MAPKAP1: variants seen among roughly 807,000 people sequenced by gnomAD.
MAPKAP1 encodes the protein target of rapamycin complex 2 subunit MAPKAP1.
Under a neutral mutation model 65.7 loss-of-function variants are expected in MAPKAP1, and 20 were observed. The observed-to-expected ratio is 0.30, with a 90% CI of 0.21 to 0.44. The LOEUF (loss-of-function observed/expected upper bound fraction) is 0.44. MAPKAP1 is among the 20% of genes least tolerant of loss of function. The pLI is 1.00. For missense variants in MAPKAP1, 423 were observed against 648.0 expected (o/e 0.65, Z 3.77); for synonymous variants, 222 against 244.3 (o/e 0.91, Z 0.85).
chr9:125,674,710 T>C (rs746394704), intron 1 of MAPKAP1, among the ~76,000 whole-genome samples: 21 of 152,242 alleles, frequency 1.4e-4, no homozygotes, highest in Non-Finnish European at 2.9e-4. Flanking sequence ...GAAATTTAAC[T>C]GAGGAGCATC....
intron 9 of MAPKAP1, among the ~76,000 whole-genome samples, chr9:125,482,938 C>T (rs1207036355): frequency 6.6e-6 from 1 of 152,194 alleles, no homozygotes; most frequent in Non-Finnish European, 1.5e-5. Context: ...GCATTTCATC[C>T]TCACAGTTGA....
chr9:125,616,359 A>G (rs1452122645), intron 4 of MAPKAP1, among the ~76,000 whole-genome samples: 1 of 152,230 alleles, frequency 6.6e-6, no homozygotes, highest in Admixed American at 6.5e-5. Flanking sequence ...TGATAATTCA[A>G]TACATTAAAA....
chr9:125,637,506 G>C (rs1833459482), intron 4 of MAPKAP1, among the ~76,000 whole-genome samples: 4 of 152,126 alleles, frequency 2.6e-5, no homozygotes, highest in Admixed American at 6.5e-5. Flanking sequence ...GCCACGCTGG[G>C]ACTCAGGATA....
chr9:125,464,205 A>T (rs7869036), intron 10 of MAPKAP1, among the ~76,000 whole-genome samples: 14,265 of 50,870 alleles, frequency 0.28, 1,880 homozygotes, highest in African/African-American at 0.55. Flanking sequence ...CTCATATATT[A>T]AAAAAAAAAA....
chr9:125,443,976 T>A (rs1233136805), intron 11 of MAPKAP1, among the ~76,000 whole-genome samples: 1 of 151,928 alleles, frequency 6.6e-6, no homozygotes, highest in Non-Finnish European at 1.5e-5. Context: ...AGGGACAGAG[T>A]CTGTCACCGT....
rs757204720 is a variant in MAPKAP1 at position 125,672,378 on chromosome 9, T to C, written c.197A>G (p.Tyr66Cys). The change falls in exon 2 of 12, where the codon TAT (tyrosine) becomes TGT (cysteine). Residue 66 changes from tyrosine (Y) to cysteine (C), a missense_variant. Transcript: ENST00000265960. Reference protein sequence around the residue: ...GSNGETQGYVYAQSVDITSSW... With the variant: ...GSNGETQGYVCAQSVDITSSW... Reference sequence around the variant, plus strand: ...TGAGGTAATATCGACTGACTGGGCATATACATAGCCCTGAGTCTCACCATT... The same window carrying C: ...TGAGGTAATATCGACTGACTGGGCACATACATAGCCCTGAGTCTCACCATT... 5 of 1,614,028 alleles carry C rather than the reference T, an allele frequency of 3.1e-6. No individual in the cohort carries two copies. The highest frequency in any genetic ancestry group is 2.7e-5 in the African/African-American group (2 of 75,058).
chr9:125,651,352 C>T (rs933974117), intron 4 of MAPKAP1, among the ~76,000 whole-genome samples: 1 of 152,150 alleles, frequency 6.6e-6, no homozygotes, highest in African/African-American at 2.4e-5. Flanking sequence ...CACCTGTAAT[C>T]CCAGCACTTT....
intron 7 of MAPKAP1, among the ~76,000 whole-genome samples, chr9:125,538,985 C>G (rs1436981548): frequency 2.0e-5 from 3 of 152,190 alleles, no homozygotes; most frequent in Non-Finnish European, 4.4e-5. Flanking sequence ...TTTACTCCCC[C>G]TCTGCTCCTA....
intron 9 of MAPKAP1, among the ~76,000 whole-genome samples, chr9:125,480,025 A>T (rs1854250135): frequency 6.6e-6 from 1 of 152,172 alleles, no homozygotes; most frequent in South Asian, 2.1e-4. Context: ...TTGAATACTC[A>T]TACAGGGTGT....
At chr9:125,668,901 G>A (rs1328011190) in intron 3 of MAPKAP1, among the ~76,000 whole-genome samples, 1 of 152,130 alleles carries the variant, frequency 6.6e-6, no homozygotes. Flanking sequence ...AATATCACAG[G>A]GGCTGGGCGC....
chr9:125,579,703 G>A (rs142226423), intron 5 of MAPKAP1, among the ~76,000 whole-genome samples: 2 of 152,140 alleles, frequency 1.3e-5, no homozygotes, highest in African/African-American at 4.8e-5. Context: ...TCTTTCACAG[G>A]GCCAACCCAC....
At position 125,592,847 on chromosome 9, in the gene MAPKAP1, GA is replaced by G. The variant is rs1263073597; in HGVS notation, c.499-7121del. Among the ~76,000 whole-genome samples the G allele has an allele frequency of 2.7e-5, 4 of 145,674 alleles. No individual in the cohort carries two copies. The East Asian group carries it at 8.1e-4, about 30-fold the overall frequency. ...GAACCCTGGAGGCGGAGCTTGCAGT[GA>G]GCCGAGATAGCACCACTGCAGTCCA... On this transcript the variant is annotated intron_variant, in intron 4 of 11. Coordinates refer to ENST00000265960, the MANE Select transcript of MAPKAP1 (RefSeq NM_001006617.3).
intron 3 of MAPKAP1, among the ~76,000 whole-genome samples, chr9:125,667,265 C>T (rs1028281603): frequency 7.9e-5 from 12 of 152,130 alleles, no homozygotes; most frequent in African/African-American, 2.4e-4. Flanking sequence ...AGCTGAAGAA[C>T]TTACTTCTCA....
intron 4 of MAPKAP1, among the ~76,000 whole-genome samples, chr9:125,601,421 T>C (rs1256087714): frequency 6.6e-6 from 1 of 152,196 alleles, no homozygotes; most frequent in Non-Finnish European, 1.5e-5. Flanking sequence ...TTAAATAGTG[T>C]AAAAAATCCA....
At chr9:125,449,702 ATCT>A (rs1852868399) in intron 10 of MAPKAP1, among the ~76,000 whole-genome samples, 1 of 152,216 alleles carries the variant, frequency 6.6e-6, no homozygotes, top group Non-Finnish European at 1.5e-5. Context: ...GCTTTAATTC[ATCT>A]TCTGTATTAT....
chr9:125,631,624 G>T (rs997811988), intron 4 of MAPKAP1, among the ~76,000 whole-genome samples: 1 of 152,214 alleles, frequency 6.6e-6, no homozygotes, highest in African/African-American at 2.4e-5. Context: ...TCAGACGTAA[G>T]GATGTCAGTT....
At chr9:125,443,151 C>T (rs754631050) in intron 11 of MAPKAP1, among the ~76,000 whole-genome samples, 26 of 152,206 alleles carry the variant, frequency 1.7e-4, no homozygotes, top group Non-Finnish European at 3.5e-4. Context: ...ACTGTGCAGT[C>T]CCTCAGCATA....
intron 7 of MAPKAP1, among the ~76,000 whole-genome samples, chr9:125,537,389 C>T (rs1589267220): frequency 1.3e-5 from 2 of 152,274 alleles, no homozygotes; most frequent in East Asian, 1.9e-4. Flanking sequence ...TTTCTAGGTA[C>T]ACCAAGGCAC....
chr9:125,452,719 C>T (rs577746124), intron 10 of MAPKAP1, among the ~76,000 whole-genome samples: 1 of 151,994 alleles, frequency 6.6e-6, no homozygotes, highest in African/African-American at 2.4e-5. Context: ...TGGAGAAACC[C>T]TGTCTCTACT....
Sources: gnomAD v4.1 joint callset for allele counts (sites outside exome capture counted in the v4.1 genomes callset) on GRCh38, gnomAD v4.1.1 for gene constraint, MANE v1.5 for transcripts, NCBI Gene and HGNC (gene_info 2026-07-23, HGNC 2026-07-21) for gene names.